The following CCDC91 variants were observed in gnomAD, a reference collection of about 807,000 sequenced individuals.
The protein encoded by CCDC91 is coiled-coil domain-containing protein 91.
Under a neutral mutation model 63.2 loss-of-function variants are expected in CCDC91, and 48 were observed. The observed-to-expected ratio is 0.76, with a 90% CI of 0.60 to 0.97. The LOEUF is 0.97. CCDC91 is among the 50% of genes least tolerant of loss of function. CCDC91 has a pLI of 0.00. For missense variants in CCDC91, 500 were observed against 494.6 expected (o/e 1.01, Z -0.10); for synonymous variants, 167 against 165.8 (o/e 1.01, Z -0.06).
intron 7 of CCDC91, among the ~76,000 whole-genome samples, chr12:28,364,241 C>G (rs1451425718): frequency 6.6e-6 from 1 of 151,960 alleles, no homozygotes; most frequent in Non-Finnish European, 1.5e-5. Flanking sequence ...TAAAAATTAG[C>G]TGGGCCTGGT....
At chr12:28,204,024 A>C (rs768417523) in intron 1 of CCDC91, among the ~76,000 whole-genome samples, 1 of 152,284 alleles carries the variant, frequency 6.6e-6, no homozygotes, top group Non-Finnish European at 1.5e-5. Flanking sequence ...ATGTCTAGAC[A>C]TGTATTTGTG....
intron 12 of CCDC91, among the ~76,000 whole-genome samples, chr12:28,519,781 CATT>C (rs2141402391): frequency 7.2e-6 from 1 of 139,598 alleles, no homozygotes; most frequent in African/African-American, 2.7e-5. Flanking sequence ...CAAGTGTTCT[CATT>C]GTTCAAATCC....
At chr12:28,268,718 G>A (rs1188255147) in intron 3 of CCDC91, 1 of 955,458 alleles carries the variant, frequency 1.0e-6, no homozygotes, top group Non-Finnish European at 1.2e-6. Flanking sequence ...TGTTTACTCA[G>A]TAGGGATGGC....
intron 3 of CCDC91, among the ~76,000 whole-genome samples, chr12:28,291,539 C>A (rs1174601278): frequency 6.6e-6 from 1 of 152,162 alleles, no homozygotes; most frequent in Non-Finnish European, 1.5e-5. Context: ...CATCAGACCA[C>A]CAACCAGTGA....
At chr12:28,401,985 G>T (rs1455970715) in intron 8 of CCDC91, among the ~76,000 whole-genome samples, 1 of 151,896 alleles carries the variant, frequency 6.6e-6, no homozygotes, top group African/African-American at 2.4e-5. Flanking sequence ...AAAGACTATC[G>T]ATTACCCCCA....
chr12:28,470,907 A>G (rs1950782761), intron 11 of CCDC91, among the ~76,000 whole-genome samples: 2 of 152,172 alleles, frequency 1.3e-5, no homozygotes, highest in African/African-American at 4.8e-5. Context: ...ATGGAAATAG[A>G]TAGTGGAAGG....
chr12:28,388,503 T>C (rs1365394471), intron 7 of CCDC91, among the ~76,000 whole-genome samples: 1 of 152,124 alleles, frequency 6.6e-6, no homozygotes, highest in Admixed American at 6.6e-5. Flanking sequence ...ACTCAACCCC[T>C]TTTACAATAG....
At chr12:28,224,274 A>G (rs187657717) in intron 1 of CCDC91, among the ~76,000 whole-genome samples, 32 of 152,264 alleles carry the variant, frequency 2.1e-4, no homozygotes, top group African/African-American at 6.0e-4. Context: ...TTTACCAACA[A>G]TTTATTAAGC....
rs142155544 is a variant in CCDC91, at chr12:28,280,967, A to G, written c.109+21525A>G. Among the ~76,000 whole-genome samples, 173 of 152,142 alleles carry G rather than the reference A, an allele frequency of 1.1e-3. 6 individuals carry two copies. In the East Asian group the frequency reaches 0.025, roughly 22 times the overall value. On this transcript the variant is annotated intron_variant, in intron 3 of 12. Coordinates refer to ENST00000536442, the MANE Select transcript of CCDC91 (RefSeq NM_018318.5). Reference sequence around the variant, plus strand: ...ATTCTGTCTTTGGTGACAGAATGAGATTCTGTCTAAAAAAATAAATAAATA... The same window carrying G: ...ATTCTGTCTTTGGTGACAGAATGAGGTTCTGTCTAAAAAAATAAATAAATA...
intron 3 of CCDC91, among the ~76,000 whole-genome samples, chr12:28,305,379 G>C (rs1312038225): frequency 6.6e-6 from 1 of 151,844 alleles, no homozygotes; most frequent in African/African-American, 2.4e-5. Flanking sequence ...GCACTGTGTT[G>C]GTATGTAAAC....
intron 8 of CCDC91, among the ~76,000 whole-genome samples, chr12:28,428,570 TCCC>T (rs750337200): frequency 1.1e-4 from 8 of 75,570 alleles, no homozygotes; most frequent in African/African-American, 5.5e-4. Context: ...ACTCCGTCTC[TCCC>T]CAAAAAAAAA....
chr12:28,392,745 C>CAATG (rs1172412289), intron 8 of CCDC91, among the ~76,000 whole-genome samples: 1 of 152,186 alleles, frequency 6.6e-6, no homozygotes, highest in East Asian at 1.9e-4. Context: ...TCTAAAAGTT[C>CAATG]CATTCAGCCA....
In CCDC91 at chr12:28,211,758, A is replaced by G. The variant is rs868716910; in HGVS notation, c.-15+21117A>G. Among the ~76,000 whole-genome samples, 195 of 150,810 alleles carry G rather than the reference A, an allele frequency of 1.3e-3. 1 individual carries two copies. The highest frequency in any genetic ancestry group is 4.6e-3 in the African/African-American group (191 of 41,206). ...TCAGGTTCTCTTGATTAACTTAGCC[A>G]GTTCTTTTTTTTTTTTCTTACCTAA... On this transcript the variant is annotated intron_variant, in intron 1 of 12. Coordinates refer to ENST00000536442, the MANE Select transcript of CCDC91 (RefSeq NM_018318.5).
intron 8 of CCDC91, among the ~76,000 whole-genome samples, chr12:28,424,782 C>T (rs1340848901): frequency 1.3e-5 from 2 of 152,074 alleles, no homozygotes; most frequent in Non-Finnish European, 2.9e-5. Context: ...TCAATTTTTG[C>T]CTTGTGGTTT....
intron 12 of CCDC91, among the ~76,000 whole-genome samples, chr12:28,535,364 A>G (rs1181676935): frequency 6.6e-6 from 1 of 152,210 alleles, no homozygotes; most frequent in Non-Finnish European, 1.5e-5. Flanking sequence ...GCATTTGACC[A>G]CAGATTATTT....
chr12:28,453,965 T>C (rs1419199519), intron 11 of CCDC91, among the ~76,000 whole-genome samples: 2 of 152,150 alleles, frequency 1.3e-5, no homozygotes, highest in East Asian at 3.8e-4. Context: ...AAGAGCACAC[T>C]TCTCTGCTGA....
chr12:28,540,123 G>C (rs1456739693), intron 12 of CCDC91, among the ~76,000 whole-genome samples: 2 of 152,096 alleles, frequency 1.3e-5, no homozygotes, highest in Non-Finnish European at 2.9e-5. Flanking sequence ...GTAGCACAAG[G>C]TGAGATTTGT....
At chr12:28,229,956 A>G (rs1444694100) in intron 1 of CCDC91, among the ~76,000 whole-genome samples, 1 of 152,152 alleles carries the variant, frequency 6.6e-6, no homozygotes, top group South Asian at 2.1e-4. Context: ...CTATTTGAAG[A>G]TACCTGTTCT....
At chr12:28,509,079 A>G (rs1361630200) in intron 12 of CCDC91, among the ~76,000 whole-genome samples, 1 of 151,856 alleles carries the variant, frequency 6.6e-6, no homozygotes, top group Non-Finnish European at 1.5e-5. Flanking sequence ...TATTTCACGT[A>G]ATGTGGACTG....
Sources: gnomAD v4.1 joint callset for allele counts (sites outside exome capture counted in the v4.1 genomes callset) on GRCh38, gnomAD v4.1.1 for gene constraint, MANE v1.5 for transcripts, NCBI Gene and HGNC (gene_info 2026-07-23, HGNC 2026-07-21) for gene names.